The following FBN1 variants were observed in gnomAD, a reference collection of about 807,000 sequenced individuals.
FBN1 encodes fibrillin-1.
A neutral mutation model predicts 365.1 loss-of-function variants in FBN1; 29 were observed. The ratio of observed to expected loss-of-function variants is 0.08; its 90% CI spans 0.06 to 0.11. The LOEUF (loss-of-function observed/expected upper bound fraction) is 0.11, where lower values mean the gene tolerates loss of function less well. FBN1 is among the 10% of genes least tolerant of loss of function. The pLI, the probability that FBN1 is intolerant of heterozygous loss-of-function variation, is 1.00. For synonymous variants in FBN1, 1,210 were observed against 1,270.5 expected (o/e 0.95, Z 1.01); for missense variants, 2,476 against 3,703.2 (o/e 0.67, Z 8.60).
chr15:48,608,699 T>C (rs1008017870), intron 4 of FBN1, among the ~76,000 whole-genome samples: 26 of 152,146 alleles, frequency 1.7e-4, no homozygotes, highest in African/African-American at 5.8e-4. Context: ...CCAGGTACCA[T>C]AGATATGACT....
intron 6 of FBN1, among the ~76,000 whole-genome samples, chr15:48,557,455 G>A (rs1299852020): frequency 6.6e-6 from 1 of 152,188 alleles, no homozygotes; most frequent in Admixed American, 6.5e-5. Context: ...AGGGGCAGCA[G>A]AGTCCTTTTT....
chr15:48,508,803 C>A, intron 14 of FBN1, 99 bp from the exon 15 acceptor site: 2 of 1,450,132 alleles, frequency 1.4e-6, no homozygotes, highest in African/African-American at 2.8e-5. Flanking sequence ...GTATTTCTTT[C>A]TTTTTGTTAT....
At position 48,600,531 on chromosome 15, in the gene FBN1, C is replaced by T. The variant is rs573639565; in HGVS notation, c.347-297G>A. On this transcript the variant is annotated intron_variant, in intron 4 of 65. Coordinates refer to ENST00000316623, the MANE Select transcript of FBN1 (RefSeq NM_000138.5). Reference sequence around the variant, plus strand: ...CCAGCCTGGCCAACATGGTGGAACCCCGTCCCTACTAAAAATACAAAAATT... The same window carrying T: ...CCAGCCTGGCCAACATGGTGGAACCTCGTCCCTACTAAAAATACAAAAATT... Among the ~76,000 whole-genome samples the T allele has an allele frequency of 3.9e-5, 6 of 152,250 alleles. No homozygotes were observed. In the South Asian group the frequency reaches 1.2e-3, roughly 32 times the overall value.
intron 2 of FBN1, among the ~76,000 whole-genome samples, chr15:48,614,699 A>C (rs1889617870): frequency 6.6e-6 from 1 of 152,196 alleles, no homozygotes; most frequent in Admixed American, 6.5e-5. Flanking sequence ...AAATATGTGC[A>C]TGATGTTAGA....
chr15:48,458,134 T>G (rs574248699), intron 43 of FBN1, among the ~76,000 whole-genome samples: 1 of 152,230 alleles, frequency 6.6e-6, no homozygotes, highest in East Asian at 1.9e-4. Context: ...ATGACTGTTG[T>G]TGAGATACGT....
chr15:48,430,258 G>A (rs1471891782), intron 56 of FBN1, among the ~76,000 whole-genome samples: 2 of 152,162 alleles, frequency 1.3e-5, no homozygotes, highest in African/African-American at 2.4e-5. Flanking sequence ...AGATTTTCTG[G>A]AGGTAGATCC....
chr15:48,644,553 T>C (rs748103808), intron 2 of FBN1, 53 bp downstream of exon 2: 3 of 1,611,760 alleles, frequency 1.9e-6, no homozygotes, highest in Non-Finnish European at 2.5e-6. Context: ...CCCGTTGTTC[T>C]GGATCTTGAA....
chr15:48,414,813 G>A (rs534652313), intron 64 of FBN1, among the ~76,000 whole-genome samples: 1 of 151,384 alleles, frequency 6.6e-6, no homozygotes, highest in East Asian at 2.0e-4. Context: ...GGAGAATCGC[G>A]TGAACCCGGG....
intron 17 of FBN1, 83 bp downstream of exon 17, chr15:48,503,704 T>C: frequency 6.3e-7 from 1 of 1,589,908 alleles, no homozygotes. Flanking sequence ...AAATGTCATC[T>C]TCCCTGTGAA....
intron 10 of FBN1, among the ~76,000 whole-genome samples, chr15:48,518,730 A>C (rs754841338): frequency 1.3e-4 from 20 of 152,242 alleles, no homozygotes; most frequent in Non-Finnish European, 2.6e-4. Context: ...CACTTAACCC[A>C]AGATGATGCT....
chr15:48,421,165 C>A (rs1353181874), intron 62 of FBN1, among the ~76,000 whole-genome samples: 2 of 151,910 alleles, frequency 1.3e-5, no homozygotes, highest in Non-Finnish European at 2.9e-5. Flanking sequence ...ATCATTTAAA[C>A]TTCTAATTAA....
At chr15:48,441,960 A>C (rs1467125329) in intron 49 of FBN1, 114 bp from the exon 50 acceptor site, 1 of 1,120,300 alleles carries the variant, frequency 8.9e-7, no homozygotes, top group Non-Finnish European at 1.3e-6. Flanking sequence ...TCTTACAATA[A>C]TAAAGGTATT....
chr15:48,621,177 T>C (rs907057647), intron 2 of FBN1, among the ~76,000 whole-genome samples: 2 of 152,216 alleles, frequency 1.3e-5, no homozygotes, highest in Admixed American at 1.3e-4. Flanking sequence ...CAAATAATTT[T>C]GTAGATGCTC....
At chr15:48,519,399 A>G (rs554254883) in intron 10 of FBN1, among the ~76,000 whole-genome samples, 1 of 152,240 alleles carries the variant, frequency 6.6e-6, no homozygotes, top group African/African-American at 2.4e-5. Context: ...ATACTATGGA[A>G]GTGTAAAAAG....
chr15:48,485,583 G>C lies in FBN1; in HGVS notation c.3590-87C>G, dbSNP rs533910260. On this transcript the variant is annotated intron_variant, in intron 29 of 65. Transcript: ENST00000316623. The stretch of plus-strand genomic sequence containing the variant: ...CTCGTGTTGAAATTTAACTGCCATT[G>C]TAACACTATTTAAGAGGCAGGGCCT... 2.8e-6 allele frequency: 4 copies of C among 1,437,568 alleles called. No individual in the cohort carries two copies. In the Admixed American group the frequency reaches 5.2e-5, roughly 19 times the overall value. 89.1% of individuals were successfully genotyped at this position (1,437,568 alleles called of 1,614,324 possible). A position where few individuals can be genotyped will look rare whatever the true frequency, so the allele number is the denominator to read the frequency against.
At chr15:48,604,982 G>T (rs2044595251) in intron 4 of FBN1, among the ~76,000 whole-genome samples, 3 of 152,176 alleles carry the variant, frequency 2.0e-5, no homozygotes, top group Admixed American at 2.0e-4. Flanking sequence ...GTGTCCGAGA[G>T]GTTTTGTCTG....
intron 6 of FBN1, among the ~76,000 whole-genome samples, chr15:48,573,556 C>T (rs2044322457): frequency 6.6e-6 from 1 of 152,082 alleles, no homozygotes; most frequent in Admixed American, 6.5e-5. Context: ...GAGTTAAAGA[C>T]TAAATAAGCT....
intron 17 of FBN1, 128 bp downstream of exon 17, chr15:48,503,659 G>A: frequency 8.2e-7 from 1 of 1,225,732 alleles, no homozygotes; most frequent in Admixed American, 1.8e-5. Context: ...CCTCTGCCAA[G>A]ACCCCAAGAA....
chr15:48,450,372 A>C (rs1412984260), intron 45 of FBN1, among the ~76,000 whole-genome samples: 1 of 152,208 alleles, frequency 6.6e-6, no homozygotes, highest in Non-Finnish European at 1.5e-5. Flanking sequence ...GCCCTATTTC[A>C]TGATGGTTTA....
Sources: allele counts gnomAD v4.1 joint callset (sites outside exome capture counted in the v4.1 genomes callset), GRCh38; gene constraint gnomAD v4.1.1; transcripts MANE v1.5; gene names NCBI Gene and HGNC (gene_info 2026-07-23, HGNC 2026-07-21).